CACNA1S: variants seen among roughly 807,000 people sequenced by gnomAD.
The protein encoded by CACNA1S is voltage-dependent L-type calcium channel subunit alpha-1S.
Under a neutral mutation model 207.4 loss-of-function variants are expected in CACNA1S, and 126 were observed. The ratio of observed to expected loss-of-function variants is 0.61; its 90% CI spans 0.53 to 0.70. The LOEUF is 0.70. Ranked by LOEUF, CACNA1S falls within the 30% of genes least tolerant of loss-of-function variation. CACNA1S has a pLI of 0.00. For missense variants in CACNA1S, 2,349 were observed against 2,422.8 expected (o/e 0.97, Z 0.64); for synonymous variants, 960 against 932.7 (o/e 1.03, Z -0.53).
At chr1:201,067,449 C>T (rs1661288625) in intron 19 of CACNA1S, among the ~76,000 whole-genome samples, 1 of 152,224 alleles carries the variant, frequency 6.6e-6, no homozygotes, top group African/African-American at 2.4e-5. Context: ...TTCCCATCAC[C>T]TGCCTTCTTG....
chr1:201,074,478 G>T lies in CACNA1S; in HGVS notation c.2063+28C>A, dbSNP rs771786205. On this transcript the variant is annotated intron_variant, in intron 14 of 43. Transcript: ENST00000362061. ...GCCATGGCCACGACTGAGCACTCCA[G>T]GTCCCTTCCTGCTAAGGAAGCACTC... The T allele has an allele frequency of 3.5e-6, 5 of 1,435,452 alleles. No individual in the cohort carries two copies. In the East Asian group the frequency reaches 9.1e-5, roughly 26 times the overall value. The allele number at this position is 1,435,452 out of a possible 1,614,324, so 88.9% of individuals were successfully genotyped here.
chr1:201,042,609 G>T (rs12566395), intron 40 of CACNA1S, among the ~76,000 whole-genome samples: 6,483 of 152,274 alleles, frequency 0.043, 285 homozygotes, highest in East Asian at 0.17. Flanking sequence ...AATTTAAGGG[G>T]TCTCTGTGAC....
At position 201,077,251 on chromosome 1, in the gene CACNA1S, T is replaced by G. The variant is rs925060; in HGVS notation, c.1620-124A>C. Reference sequence around the variant, plus strand: ...ACACAGAGGGAGGGGGCTGCCTCACTGCTGGAAGACCCTGGATTCATGGCT... The same window carrying G: ...ACACAGAGGGAGGGGGCTGCCTCACGGCTGGAAGACCCTGGATTCATGGCT... On this transcript the variant is annotated intron_variant, in intron 11 of 43. Coordinates refer to ENST00000362061, the MANE Select transcript of CACNA1S (RefSeq NM_000069.3). 604,565 of 787,228 alleles carry G rather than the reference T, an allele frequency of 0.77. 234,570 individuals are homozygous for G. The highest frequency in any genetic ancestry group is 0.87 in the South Asian group (57,988 of 66,980). The allele number at this position is 787,228 out of a possible 1,614,324, so 48.8% of individuals were successfully genotyped here. A position where few individuals can be genotyped will look rare whatever the true frequency, so the allele number is the denominator to read the frequency against.
rs2102541589 is a variant in CACNA1S, at chr1:201,041,544, A to G, written c.5094T>C (p.Ala1698=). ...GTTGGCCAAGGGCTCGTCCTCTGGT[A>G]GCAGGCGTCTCTGTCTCTTCTGGGA... The part of the protein sequence containing the change: ...REFPEETETP[A]TRGRALGQPC... The change falls in exon 41 of 44, where the codon GCT becomes GCC. Residue 1698 remains alanine (A), a synonymous_variant. Transcript: ENST00000362061. 1 of 1,614,212 alleles carries G rather than the reference A, an allele frequency of 6.2e-7. No individual in the cohort carries two copies. Among genetic ancestry groups the G allele is most frequent in the Non-Finnish European group, 8.5e-7 (1 of 1,180,018 alleles).
At chr1:201,098,437 G>A (rs1032482811) in intron 2 of CACNA1S, among the ~76,000 whole-genome samples, 4 of 152,302 alleles carry the variant, frequency 2.6e-5, no homozygotes, top group African/African-American at 4.8e-5. Context: ...ACACACACAC[G>A]AAGAGAACAG....
intron 3 of CACNA1S, among the ~76,000 whole-genome samples, chr1:201,092,676 A>G (rs546441738): frequency 4.2e-4 from 64 of 152,316 alleles, no homozygotes; most frequent in Middle Eastern, 3.4e-3. Context: ...CACATTGCGT[A>G]TGAAACAACA....
chr1:201,072,952 ATAT>A, intron 15 of CACNA1S, 128 bp from the exon 16 acceptor site: 2 of 796,368 alleles, frequency 2.5e-6, no homozygotes, highest in Non-Finnish European at 2.2e-6. Flanking sequence ...GGAACAGGGA[ATAT>A]TATGATCATC....
At chr1:201,048,453 C>T in intron 36 of CACNA1S, 129 bp downstream of exon 36, 1 of 805,078 alleles carries the variant, frequency 1.2e-6, no homozygotes, top group East Asian at 2.6e-5. Context: ...TGCCCATGGC[C>T]TGGGGTCCTC....
Position 201,050,867 on chromosome 1 carries a change from C to A in CACNA1S, c.4113+117G>T, listed in dbSNP as rs1572026115. 2.7e-6 allele frequency: 3 copies of A among 1,099,794 alleles called. No individual in the cohort carries two copies. In the African/African-American group the frequency reaches 4.7e-5, roughly 17 times the overall value. 68.1% of individuals were successfully genotyped at this position (1,099,794 alleles called of 1,614,324 possible). ...GGGACAACCTAACTAGAGCCTCCTG[C>A]GTCCCCGAGATGAATCCCAGGAGAG... On this transcript the variant is annotated intron_variant, in intron 33 of 43. Transcript: ENST00000362061.
chr1:201,103,244 C>CAAA (rs1176886702), intron 2 of CACNA1S, among the ~76,000 whole-genome samples: 1 of 118,432 alleles, frequency 8.4e-6, no homozygotes, highest in African/African-American at 3.2e-5. Context: ...GACTTGGTCT[C>CAAA]AAAAAAAAAA....
chr1:201,102,850 C>T (rs180706020), intron 2 of CACNA1S, among the ~76,000 whole-genome samples: 41 of 152,214 alleles, frequency 2.7e-4, no homozygotes, highest in African/African-American at 8.9e-4. Flanking sequence ...TGTCAGATCC[C>T]GCCCTCAATC....
intron 2 of CACNA1S, among the ~76,000 whole-genome samples, chr1:201,102,661 C>T (rs1282517496): frequency 6.6e-6 from 1 of 152,312 alleles, no homozygotes; most frequent in South Asian, 2.1e-4. Flanking sequence ...ACTCTTATCC[C>T]ATTTTACAGA....
intron 2 of CACNA1S, among the ~76,000 whole-genome samples, chr1:201,102,693 G>C (rs113121344): frequency 1.3e-5 from 2 of 152,294 alleles, no homozygotes; most frequent in African/African-American, 4.8e-5. Flanking sequence ...AAGCACAGAG[G>C]GATTAATTTC....
At chr1:201,069,236 G>A (rs960585809) in intron 18 of CACNA1S, 40 bp from the exon 19 acceptor site, 2 of 1,579,192 alleles carry the variant, frequency 1.3e-6, no homozygotes, top group Non-Finnish European at 1.7e-6. Context: ...AGTGAGAGGA[G>A]GAGGGGGCAA....
intron 6 of CACNA1S, among the ~76,000 whole-genome samples, chr1:201,088,790 C>T (rs1260008327): frequency 6.6e-6 from 1 of 152,168 alleles, no homozygotes; most frequent in Non-Finnish European, 1.5e-5. Context: ...GTGTGCCGGG[C>T]ACTGTTGTAA....
At chr1:201,057,185 C>T (rs2102568085) in intron 28 of CACNA1S, among the ~76,000 whole-genome samples, 1 of 152,378 alleles carries the variant, frequency 6.6e-6, no homozygotes, top group Admixed American at 6.5e-5. Context: ...GATCTGGCCC[C>T]TGCCTTCTCT....
At chr1:201,054,189 A>G (rs111414501) in intron 29 of CACNA1S, among the ~76,000 whole-genome samples, 118 of 152,318 alleles carry the variant, frequency 7.7e-4, no homozygotes, top group Non-Finnish European at 1.3e-3. Flanking sequence ...CTTGTGCCCA[A>G]TGAACTGTCA....
At chr1:201,042,540 G>A (rs1423238619) in intron 40 of CACNA1S, among the ~76,000 whole-genome samples, 2 of 152,186 alleles carry the variant, frequency 1.3e-5, no homozygotes, top group South Asian at 2.1e-4. Context: ...GTATTTCCAC[G>A]TTACCTTGCA....
chr1:201,067,662 T>C (rs1661297217), intron 19 of CACNA1S, among the ~76,000 whole-genome samples: 1 of 152,176 alleles, frequency 6.6e-6, no homozygotes, highest in African/African-American at 2.4e-5. Flanking sequence ...GGCCACTTTA[T>C]CCTCTCTGGC....
Sources: allele counts gnomAD v4.1 joint callset (sites outside exome capture counted in the v4.1 genomes callset), GRCh38; gene constraint gnomAD v4.1.1; transcripts MANE v1.5; gene names NCBI Gene and HGNC (gene_info 2026-07-23, HGNC 2026-07-21).